The following RPS6KC1 variants were observed in gnomAD, a reference collection of about 807,000 sequenced individuals.
RPS6KC1 encodes ribosomal protein S6 kinase C1.
Under a neutral mutation model 103.8 loss-of-function variants are expected in RPS6KC1, and 54 were observed. The observed-to-expected ratio is 0.52, with a 90% CI of 0.42 to 0.65. The LOEUF is 0.65. Among genes scored for constraint, RPS6KC1 ranks in the 30% least tolerant of loss-of-function variants. RPS6KC1 has a pLI of 0.00. For missense variants in RPS6KC1, 1,151 were observed against 1,253.8 expected, an observed-to-expected ratio of 0.92 and a Z score of 1.24; for synonymous variants, 439 against 438.7, an observed-to-expected ratio of 1.00 and a Z score of -0.01.
At chr1:213,159,471 C>T (rs983554547) in intron 6 of RPS6KC1, among the ~76,000 whole-genome samples, 5 of 152,144 alleles carry the variant, frequency 3.3e-5, no homozygotes, top group South Asian at 2.1e-4. Context: ...ACCACTTGCA[C>T]GTTGCAACAA....
chr1:213,363,724 T>C, the RPS6KC1 span, among the ~76,000 whole-genome samples: 19 of 126,672 alleles, frequency 1.5e-4, no homozygotes, highest in East Asian at 6.3e-4. Flanking sequence ...CTTTCTTTCT[T>C]TCGTTCTTTC....
chr1:213,619,612 CA>C, the RPS6KC1 span, among the ~76,000 whole-genome samples: 1 of 152,152 alleles, frequency 6.6e-6, no homozygotes, highest in East Asian at 1.9e-4. Flanking sequence ...AGGAAGGTCT[CA>C]GGAGGAGGTA....
the RPS6KC1 span, among the ~76,000 whole-genome samples, chr1:213,506,113 C>T: frequency 6.6e-6 from 1 of 152,152 alleles, no homozygotes; most frequent in Non-Finnish European, 1.5e-5. Context: ...TCAGAAGGGG[C>T]TCTGAGGGCA....
chr1:213,555,167 T>C, the RPS6KC1 span, among the ~76,000 whole-genome samples: 2 of 152,186 alleles, frequency 1.3e-5, no homozygotes, highest in African/African-American at 4.8e-5. Context: ...CAGAAAGGCT[T>C]GCTAAGATCA....
the RPS6KC1 span, among the ~76,000 whole-genome samples, chr1:213,845,728 G>C: frequency 6.6e-6 from 1 of 152,064 alleles, no homozygotes; most frequent in Non-Finnish European, 1.5e-5. Context: ...AAAAATCCTG[G>C]TTCCTCCACT....
At chr1:213,774,655 C>T in the RPS6KC1 span, among the ~76,000 whole-genome samples, 1 of 152,166 alleles carries the variant, frequency 6.6e-6, no homozygotes, top group African/African-American at 2.4e-5. Flanking sequence ...GTGCAGTTAA[C>T]TGTGGAATAG....
At chr1:213,829,699 C>A in the RPS6KC1 span, among the ~76,000 whole-genome samples, 1 of 152,132 alleles carries the variant, frequency 6.6e-6, no homozygotes, top group Admixed American at 6.5e-5. Flanking sequence ...TATATTTTAA[C>A]AAAGGGAAGC....
the RPS6KC1 span, among the ~76,000 whole-genome samples, chr1:213,655,965 A>G: frequency 8.5e-5 from 13 of 152,336 alleles, no homozygotes; most frequent in Admixed American, 2.6e-4. Context: ...GTCAGAATTC[A>G]GTCTCTATTT....
the RPS6KC1 span, among the ~76,000 whole-genome samples, chr1:213,678,296 C>T: frequency 2.6e-5 from 4 of 152,222 alleles, no homozygotes; most frequent in Non-Finnish European, 4.4e-5. Flanking sequence ...TGCAGACACA[C>T]TAGCCCCTGC....
the RPS6KC1 span, among the ~76,000 whole-genome samples, chr1:213,444,822 A>T: frequency 1.3e-5 from 2 of 152,126 alleles, no homozygotes; most frequent in Non-Finnish European, 2.9e-5. Flanking sequence ...GCTCACTCAC[A>T]TACCTATTTC....
chr1:213,118,593 G>A (rs556971598), intron 5 of RPS6KC1, among the ~76,000 whole-genome samples: 3 of 152,056 alleles, frequency 2.0e-5, no homozygotes, highest in South Asian at 2.1e-4. Flanking sequence ...AATTTCCATC[G>A]TGATTTGGTA....
At chr1:213,823,926 C>T in the RPS6KC1 span, among the ~76,000 whole-genome samples, 16 of 152,082 alleles carry the variant, frequency 1.1e-4, 1 homozygote, top group African/African-American at 3.4e-4. Flanking sequence ...GAAACTGAGG[C>T]ACAAAAGGGA....
chr1:213,744,304 T>TA, the RPS6KC1 span, among the ~76,000 whole-genome samples: 5 of 151,382 alleles, frequency 3.3e-5, no homozygotes, highest in Admixed American at 1.3e-4. Context: ...AATAATGATA[T>TA]AAAAAAAATA....
At chr1:213,112,343 G>A (rs1227751216) in intron 4 of RPS6KC1, among the ~76,000 whole-genome samples, 1 of 152,120 alleles carries the variant, frequency 6.6e-6, no homozygotes, top group East Asian at 1.9e-4. Flanking sequence ...TACTTGTCTG[G>A]TGATATCATT....
At chr1:213,580,070 A>G in the RPS6KC1 span, among the ~76,000 whole-genome samples, 1 of 152,070 alleles carries the variant, frequency 6.6e-6, no homozygotes, top group African/African-American at 2.4e-5. Context: ...TGTATCTGCC[A>G]TGGGTAGCGA....
At chr1:213,271,268 A>G (rs1405732089) in intron 14 of RPS6KC1, among the ~76,000 whole-genome samples, 4 of 152,218 alleles carry the variant, frequency 2.6e-5, no homozygotes, top group Non-Finnish European at 5.9e-5. Flanking sequence ...GATACCTGCT[A>G]CAGTGTGGAT....
the RPS6KC1 span, among the ~76,000 whole-genome samples, chr1:213,324,978 C>T: frequency 6.6e-6 from 1 of 152,162 alleles, no homozygotes; most frequent in Non-Finnish European, 1.5e-5. Context: ...CATTATCGCT[C>T]TCCAAGGACC....
At chr1:213,268,826 G>T (rs1165743886) in intron 14 of RPS6KC1, among the ~76,000 whole-genome samples, 1 of 151,232 alleles carries the variant, frequency 6.6e-6, no homozygotes, top group Non-Finnish European at 1.5e-5. Context: ...ATATTGTAGG[G>T]ATACAGCAAC....
chr1:213,633,439 A>G, the RPS6KC1 span, among the ~76,000 whole-genome samples: 6 of 152,338 alleles, frequency 3.9e-5, no homozygotes, highest in South Asian at 1.2e-3. Flanking sequence ...TTTCATATCC[A>G]GCCAAACTAA....
Sources: gnomAD v4.1 joint callset for allele counts (sites outside exome capture counted in the v4.1 genomes callset) on GRCh38, gnomAD v4.1.1 for gene constraint, MANE v1.5 for transcripts, NCBI Gene and HGNC (gene_info 2026-07-23, HGNC 2026-07-21) for gene names.